Variants in MUC4 observed in about 807,000 individuals in gnomAD.
MUC4 encodes the protein mucin 4, cell surface associated, also known as mucin-4.
MUC4 carries 202 observed loss-of-function variants against 257.9 expected under a neutral mutation model. The ratio of observed to expected loss-of-function variants is 0.78; its 90% confidence interval spans 0.70 to 0.88. The LOEUF (loss-of-function observed/expected upper bound fraction) is 0.88. Ranked by LOEUF, MUC4 falls within the 40% of genes least tolerant of loss-of-function variation. The pLI is 0.00. For synonymous variants in MUC4, 2,351 were observed against 2,757.1 expected, an observed-to-expected ratio of 0.85 and a Z score of 4.62; for missense variants, 5,976 against 6,513.7, an observed-to-expected ratio of 0.92 and a Z score of 2.84.
intron 3 of MUC4, among the ~76,000 whole-genome samples, chr3:195,775,091 T>C (rs1724053552): frequency 6.6e-6 from 1 of 151,942 alleles, no homozygotes; most frequent in Non-Finnish European, 1.5e-5. Context: ...CCCAAATATT[T>C]CTCGCAGCTG....
chr3:195,801,433 TC>T (rs200825877), intron 1 of MUC4, among the ~76,000 whole-genome samples: 6,162 of 151,860 alleles, frequency 0.041, 219 homozygotes, highest in African/African-American at 0.092. Flanking sequence ...CTCCGCACCC[TC>T]CCCGGGGCCC....
At chr3:195,754,625 G>A (rs2148767939) in intron 18 of MUC4, among the ~76,000 whole-genome samples, 1 of 152,316 alleles carries the variant, frequency 6.6e-6, no homozygotes, top group South Asian at 2.1e-4. Context: ...CCCTGCACCA[G>A]GATCTCAGCC....
chr3:195,793,865 G>A (rs1407928418), intron 1 of MUC4, among the ~76,000 whole-genome samples: 1 of 152,040 alleles, frequency 6.6e-6, no homozygotes, highest in Non-Finnish European at 1.5e-5. Context: ...AACCCAAGGG[G>A]TAAATGCATA....
intron 24 of MUC4, among the ~76,000 whole-genome samples, chr3:195,748,633 G>C (rs2148739754): frequency 6.6e-6 from 1 of 152,378 alleles, no homozygotes; most frequent in South Asian, 2.1e-4. Flanking sequence ...TGCGTCCTGG[G>C]GCAGGTTCCT....
chr3:195,763,562 C>A lies in MUC4; in HGVS notation c.14124G>T (p.Leu4708=). 1 of 1,592,796 alleles carries A rather than the reference C, an allele frequency of 6.3e-7. No homozygotes were observed. The highest frequency in any genetic ancestry group is 8.6e-7 in the Non-Finnish European group (1 of 1,168,864). The change falls in exon 12 of 25, where the codon CTG becomes CTT. Residue 4708 remains leucine (L), a synonymous_variant. Coordinates refer to ENST00000463781, the MANE Select transcript of MUC4 (RefSeq NM_018406.7). ...AGGAGTTCCCGTCTTGGGCCCCGAC[C>A]AGCAGGAAGTCCCCCAGCCCATTGA... ...YTFNGLGDFL[L]VGAQDGNSSF...
At chr3:195,802,312 C>G (rs73085338) in intron 1 of MUC4, among the ~76,000 whole-genome samples, 13,508 of 151,094 alleles carry the variant, frequency 0.089, 1,317 homozygotes, top group African/African-American at 0.24. Flanking sequence ...CTCTTGTTTG[C>G]TTTGCCACAT....
rs1206828923 is a variant in MUC4, at chr3:195,753,086, A to T, written c.15473T>A (p.Leu5158Gln). Residue 5158 changes from leucine to glutamine, a missense_variant, in exon 20 of 25, where the codon CTG becomes CAG. Around this residue, in one of 44 missense-constraint regions of MUC4, gnomAD observed 996 missense variants for 1,137.3 expected, o/e 0.88. Transcript: ENST00000463781. ...PPAFTDSRCF[L>Q]AGNNFSPTVN... Reference sequence around the variant, plus strand: ...AGTTGGACTGAAGTTGTTCCCAGCCAGGAAGCAGCGGCTGTCAGTGAAGGC... The same window carrying T: ...AGTTGGACTGAAGTTGTTCCCAGCCTGGAAGCAGCGGCTGTCAGTGAAGGC... 3 of 1,610,472 alleles carry T rather than the reference A, an allele frequency of 1.9e-6. No homozygotes were observed. Among genetic ancestry groups the T allele is most frequent in the Non-Finnish European group, 2.5e-6 (3 of 1,178,048 alleles).
intron 1 of MUC4, among the ~76,000 whole-genome samples, chr3:195,792,682 G>A (rs1480226276): frequency 2.6e-5 from 4 of 152,162 alleles, no homozygotes; most frequent in African/African-American, 4.8e-5. Flanking sequence ...ACATGCACAC[G>A]TATGTTTACT....
chr3:195,773,480 ACACC>A (rs940471177), intron 4 of MUC4, among the ~76,000 whole-genome samples: 1 of 141,856 alleles, frequency 7.0e-6, no homozygotes, highest in Non-Finnish European at 1.5e-5. Context: ...GCAGGTGTGG[ACACC>A]CTCTCTCTAT....
rs1417333988 is a variant in MUC4 at position 195,757,492 on chromosome 3, C to T, written c.14987-164G>A. ...AGCAAGGCTGGTATCGGGGGTGATC[C>T]TGGTCACGCTCCCAGCTGGAAGGAC... On this transcript the variant is annotated intron_variant, in intron 17 of 24. Coordinates refer to ENST00000463781, the MANE Select transcript of MUC4 (RefSeq NM_018406.7). The surrounding 1 kb of genome is among the most constrained non-coding windows in gnomAD (Gnocchi z 4.8). Among the ~76,000 whole-genome samples, 4 of 152,048 alleles carry T rather than the reference C, an allele frequency of 2.6e-5. No individual in the cohort carries two copies. Among genetic ancestry groups the T allele is most frequent in the African/African-American group, 4.8e-5 (2 of 41,376 alleles).
intron 1 of MUC4, among the ~76,000 whole-genome samples, chr3:195,807,521 A>C (rs1003890844): frequency 2.0e-5 from 3 of 152,118 alleles, no homozygotes; most frequent in African/African-American, 7.2e-5. Context: ...CAATAAAAAA[A>C]CCGTCTATGA....
intron 14 of MUC4, among the ~76,000 whole-genome samples, 155 bp from the exon 15 acceptor site, chr3:195,761,740 T>C (rs1196510029): frequency 2.6e-5 from 4 of 151,980 alleles, no homozygotes; most frequent in African/African-American, 9.7e-5. Flanking sequence ...GGACGGGCCC[T>C]CACACCCTGC....
Position 195,790,282 on chromosome 3 carries a change from G to C in MUC4, c.1298C>G (p.Thr433Ser), listed in dbSNP as rs771610424. The C allele has an allele frequency of 1.2e-6, 2 of 1,614,020 alleles. No individual in the cohort carries two copies. The highest frequency in any genetic ancestry group is 1.7e-6 in the Non-Finnish European group (2 of 1,179,890). Residue 433 changes from threonine (T) to serine (S), a missense_variant, in exon 2 of 25, where the codon ACT (threonine) becomes AGT (serine). Transcript: ENST00000463781. Reference sequence around the variant, plus strand: ...ACTGGGGGAGAGTGCTGTTGACAGAGTGTCTGACCACCATATGGTTGAAAC... The same window carrying C: ...ACTGGGGGAGAGTGCTGTTGACAGACTGTCTGACCACCATATGGTTGAAAC... ...SKVSTIWWSD[T>S]LSTALSPSSL...
rs747259109 is a variant in MUC4, at chr3:195,789,239, C to T, written c.2341G>A (p.Ala781Thr). The stretch of plus-strand genomic sequence containing the variant: ...TCGCTGGTCTGTGTTTGTCCAGAGG[C>T]CTCTGTGCTCTCAGCCTGGTGGGTA... ...THTHQAESTEASGQTQTSEPA... is the reference protein window; with the variant it reads ...THTHQAESTETSGQTQTSEPA... Residue 781 changes from alanine (A) to threonine (T), a missense_variant, in exon 2 of 25, where the codon GCC becomes ACC. By Grantham distance (58) the Ala-to-Thr change is moderately conservative. Coordinates refer to ENST00000463781, the MANE Select transcript of MUC4 (RefSeq NM_018406.7). 6.2e-7 allele frequency: 1 copy of T among 1,613,854 alleles called. No individual in the cohort carries two copies. The highest frequency in any genetic ancestry group is 1.1e-5 in the South Asian group (1 of 91,072).
At chr3:195,763,053 G>T in intron 12 of MUC4, 108 bp from the exon 13 acceptor site, 2 of 946,742 alleles carry the variant, frequency 2.1e-6, no homozygotes, top group Non-Finnish European at 3.2e-6. Context: ...TGGGCCGGGA[G>T]GAAGGCGCTG....
intron 1 of MUC4, among the ~76,000 whole-genome samples, chr3:195,811,369 T>G (rs1275039079): frequency 6.6e-6 from 1 of 151,972 alleles, no homozygotes; most frequent in Non-Finnish European, 1.5e-5. Flanking sequence ...AGACGGGGTT[T>G]CACCATGTCG....
chr3:195,789,611 G>C lies in MUC4; in HGVS notation c.1969C>G (p.Pro657Ala). The C allele has an allele frequency of 6.2e-7, 1 of 1,614,010 alleles. No homozygotes were observed. ...QESQTTRSVS[P>A]MTDTKTVTTP... ...GTGACTGTCTTGGTGTCAGTCATGG[G>C]GGAGACGGACCTCGTGGTTTGTGAT... Residue 657 changes from proline to alanine, a missense_variant, in exon 2 of 25, where the codon CCC becomes GCC. Physicochemically the swap from Pro to Ala is conservative, Grantham distance 27 (BLOSUM62 -1). This residue lies in a region of MUC4 where 1,583 missense variants were observed against 1,257.4 expected (regional missense o/e 1.26). Transcript: ENST00000463781.
rs371053930 is a variant in MUC4 at position 195,766,397 on chromosome 3, G to A, written c.13618+266C>T. Among the ~76,000 whole-genome samples, 11 of 152,232 alleles carry A rather than the reference G, an allele frequency of 7.2e-5. No homozygotes were observed. The East Asian group carries it at 1.4e-3, about 19-fold the overall frequency. ...CTCACTTCCAGGATCTGGGCCCCCC[G>A]AGAGCCCTCTTGGGCTGGTTCATCT... is the stretch of plus-strand genomic sequence containing the variant. On this transcript the variant is annotated intron_variant, in intron 8 of 24. Transcript: ENST00000463781.
chr3:195,795,013 C>T (rs1307436286), intron 1 of MUC4, among the ~76,000 whole-genome samples: 10 of 152,308 alleles, frequency 6.6e-5, no homozygotes, highest in South Asian at 2.1e-4. Flanking sequence ...CAACTTTAAA[C>T]GGAAACTTCC....
Sources: gnomAD v4.1 joint callset for allele counts (sites outside exome capture counted in the v4.1 genomes callset) on GRCh38, gnomAD v4.1.1 for gene constraint, gnomAD v4.1.1 regional missense constraint, Gnocchi (gnomAD v3.1) non-coding constraint, MANE v1.5 for transcripts, NCBI Gene and HGNC (gene_info 2026-07-23, HGNC 2026-07-21) for gene names.